Variants in ACSBG1 observed in about 807,000 individuals in gnomAD.
ACSBG1 encodes the protein acyl-CoA synthetase bubblegum family member 1.
Under a neutral mutation model 80.2 loss-of-function variants are expected in ACSBG1, and 39 were observed. That is an observed-to-expected ratio of 0.49 (90% CI 0.38 to 0.64). ACSBG1 has a LOEUF of 0.64. ACSBG1 is among the 30% of genes least tolerant of loss of function. The pLI is 0.00. For missense variants in ACSBG1, 828 were observed against 966.4 expected (o/e 0.86, Z 1.90); for synonymous variants, 392 against 379.5 (o/e 1.03, Z -0.38).
At chr15:78,213,543 G>A (rs1285400516) in intron 1 of ACSBG1, 1 of 152,864 alleles carries the variant, frequency 6.5e-6, no homozygotes, top group African/African-American at 2.4e-5. Flanking sequence ...CAGGTTCCGG[G>A]TGATGAGGCA....
At chr15:78,199,512 G>A (rs2075146530) in intron 2 of ACSBG1, among the ~76,000 whole-genome samples, 1 of 152,020 alleles carries the variant, frequency 6.6e-6, no homozygotes, top group Non-Finnish European at 1.5e-5. Context: ...ACAATAGAGA[G>A]ACCTTGTCTC....
chr15:78,191,961 C>T (rs1042646849), intron 5 of ACSBG1, among the ~76,000 whole-genome samples: 3 of 152,204 alleles, frequency 2.0e-5, no homozygotes, highest in Admixed American at 1.3e-4. Flanking sequence ...GAAATAGGGT[C>T]TTTATGGAGG....
Position 78,194,706 on chromosome 15 carries a change from G to A in ACSBG1, c.253C>T (p.Arg85Trp), listed in dbSNP as rs748482437. ...CGCAGGCGCACCCGCCCATCGGCCCGAGTCGTCCACAGCGCCTCCTCTGTG... is the reference window on the plus strand; with the variant it reads ...CGCAGGCGCACCCGCCCATCGGCCCAAGTCGTCCACAGCGCCTCCTCTGTG... ...DAPEEALWTT[R>W]ADGRVRLRID... is the part of the protein sequence containing the mutation. Residue 85 changes from arginine to tryptophan, a missense_variant, in exon 3 of 14, where the codon CGG (arginine) becomes TGG (tryptophan). Coordinates refer to ENST00000258873, the MANE Select transcript of ACSBG1 (RefSeq NM_015162.5). 121 of 1,612,828 alleles carry A rather than the reference G, an allele frequency of 7.5e-5. No individual in the cohort carries two copies. The highest frequency in any genetic ancestry group is 5.8e-4 in the South Asian group (53 of 91,044).
chr15:78,207,917 T>TCCCCCCCCCCCC, intron 2 of ACSBG1, 85 bp downstream of exon 2: 5 of 876,060 alleles, frequency 5.7e-6, no homozygotes, highest in African/African-American at 3.3e-5. Context: ...TGTGTGGTGG[T>TCCCCCCCCCCCC]CCCCCACACC....
In ACSBG1 at chr15:78,194,575, G is replaced by A. The variant is rs770620924; in HGVS notation, c.384C>T (p.Asp128=). The A allele has an allele frequency of 2.7e-5, 43 of 1,614,136 alleles. No individual in the cohort carries two copies. The Admixed American group carries it at 7.0e-4, about 26-fold the overall frequency. The part of the protein sequence containing the change: ...DLIALGFKRQ[D]KWEHISYSQY... The stretch of plus-strand genomic sequence containing the variant: ...GGGAGTAGGAGATGTGTTCCCACTT[G>A]TCCTGGCGCTTGAAGCCCAAAGCGA... Residue 128 remains aspartate, a synonymous_variant, in exon 3 of 14, where the codon GAC becomes GAT. Transcript: ENST00000258873.
intron 2 of ACSBG1, among the ~76,000 whole-genome samples, chr15:78,197,259 C>T (rs1291486024): frequency 6.6e-6 from 1 of 151,832 alleles, no homozygotes; most frequent in Non-Finnish European, 1.5e-5. Flanking sequence ...GGGGAGTGAC[C>T]GTGGAATAGG....
intron 2 of ACSBG1, chr15:78,207,674 C>A (rs927291847): frequency 3.2e-5 from 11 of 345,734 alleles, no homozygotes; most frequent in Non-Finnish European, 5.9e-5. Flanking sequence ...TCCTGTCCCT[C>A]AGCAACCCTT....
At chr15:78,229,200 T>C (rs1263583602) in intron 1 of ACSBG1, among the ~76,000 whole-genome samples, 2 of 152,256 alleles carry the variant, frequency 1.3e-5, no homozygotes, top group African/African-American at 2.4e-5. Context: ...TTTTGTTTTG[T>C]TATATTCTTC....
At chr15:78,226,556 T>C in intron 1 of ACSBG1, 1 of 202,762 alleles carries the variant, frequency 4.9e-6, no homozygotes, top group Non-Finnish European at 1.0e-5. Flanking sequence ...GAAGATCGCT[T>C]CAGGCCAGGA....
intron 5 of ACSBG1, among the ~76,000 whole-genome samples, chr15:78,191,577 T>G (rs2075057094): frequency 6.6e-6 from 1 of 152,242 alleles, no homozygotes; most frequent in Non-Finnish European, 1.5e-5. Flanking sequence ...GGAAAGTTCT[T>G]TCTTTGGAGA....
intron 1 of ACSBG1, among the ~76,000 whole-genome samples, chr15:78,229,976 T>C (rs900266053): frequency 1.3e-5 from 2 of 152,186 alleles, no homozygotes; most frequent in African/African-American, 4.8e-5. Flanking sequence ...AGCGCCCTGC[T>C]TGCCATCCGG....
At chr15:78,186,589 A>C (rs894314273) in intron 5 of ACSBG1, among the ~76,000 whole-genome samples, 27 of 152,230 alleles carry the variant, frequency 1.8e-4, no homozygotes, top group African/African-American at 6.3e-4. Flanking sequence ...TACATAACGA[A>C]ACAAAGGCAG....
At chr15:78,234,310 A>G in intron 1 of ACSBG1, 61 bp downstream of exon 1, 1 of 1,580,858 alleles carries the variant, frequency 6.3e-7, no homozygotes, top group Non-Finnish European at 8.6e-7. Context: ...TTCACACAGC[A>G]GAGCAAAGTC....
At position 78,208,029 on chromosome 15, in the gene ACSBG1, C is replaced by A; in HGVS notation, c.205G>T (p.Val69Leu). The change falls in exon 2 of 14, where the codon GTG (valine) becomes TTG (leucine). Residue 69 changes from valine (V) to leucine (L), a missense_variant. By Grantham distance (32) the Val-to-Leu change is conservative (BLOSUM62 1). Around this residue, in one of 3 missense-constraint regions of ACSBG1, gnomAD observed 356 missense variants for 363.5 expected, o/e 0.98. Transcript: ENST00000258873. The stretch of plus-strand genomic sequence containing the variant: ...GGAGCATCCCACTGGGCATTATTCA[C>A]CTTCTCTGGCACTGAGAGCTCGAGA... ...HALELSVPEK[V>L]NNAQWDAPEE... 1 of 1,562,050 alleles carries A rather than the reference C, an allele frequency of 6.4e-7. No individual in the cohort carries two copies. Among genetic ancestry groups the A allele is most frequent in the Non-Finnish European group, 8.7e-7 (1 of 1,146,660 alleles).
intron 5 of ACSBG1, among the ~76,000 whole-genome samples, chr15:78,189,339 A>G (rs1006824138): frequency 1.3e-5 from 2 of 151,710 alleles, no homozygotes; most frequent in African/African-American, 4.9e-5. Flanking sequence ...CCAAAGGACT[A>G]TAAATCATAC....
chr15:78,212,774 G>A (rs1016273689), intron 1 of ACSBG1: 24 of 336,326 alleles, frequency 7.1e-5, no homozygotes, highest in East Asian at 2.4e-4. Context: ...CTGGCTGGGC[G>A]AGGGGACAGC....
At chr15:78,216,019 G>GC (rs911265136) in intron 1 of ACSBG1, among the ~76,000 whole-genome samples, 42 of 152,314 alleles carry the variant, frequency 2.8e-4, no homozygotes, top group African/African-American at 9.9e-4. Flanking sequence ...AGCTGCCCTG[G>GC]CTGATCTCCT....
intron 1 of ACSBG1, among the ~76,000 whole-genome samples, chr15:78,215,228 A>C (rs1479137789): frequency 2.0e-5 from 3 of 152,184 alleles, no homozygotes; most frequent in Non-Finnish European, 4.4e-5. Context: ...TCTTCTGGTG[A>C]GGGCTGAGTC....
At chr15:78,187,443 A>G (rs1177870042) in intron 5 of ACSBG1, among the ~76,000 whole-genome samples, 7 of 152,126 alleles carry the variant, frequency 4.6e-5, no homozygotes, top group Non-Finnish European at 7.4e-5. Flanking sequence ...CTGGCAAACC[A>G]AATCCAGCAG....
Sources: allele counts gnomAD v4.1 joint callset (sites outside exome capture counted in the v4.1 genomes callset), GRCh38; gene constraint gnomAD v4.1.1; regional missense constraint gnomAD v4.1.1; transcripts MANE v1.5; gene names NCBI Gene and HGNC (gene_info 2026-07-23, HGNC 2026-07-21).